The following LMCD1 variants were observed in gnomAD, a reference collection of about 807,000 sequenced individuals.
LMCD1 encodes LIM and cysteine rich domains 1.
In LMCD1, 32 loss-of-function variants were observed where a neutral mutation model predicts 42.7. That is an observed-to-expected ratio of 0.75 (90% CI 0.57 to 1.01). The LOEUF (loss-of-function observed/expected upper bound fraction) is 1.01, where lower values mean the gene tolerates loss of function less well. LMCD1 is among the 50% of genes least tolerant of loss of function. The pLI is 0.00. For synonymous variants in LMCD1, 178 were observed against 184.9 expected (o/e 0.96, Z 0.30); for missense variants, 458 against 483.1 (o/e 0.95, Z 0.49).
At chr3:8,542,002 C>CTTTTTTTTTTTTT (rs1187864989) in intron 3 of LMCD1, among the ~76,000 whole-genome samples, 2 of 76,734 alleles carry the variant, frequency 2.6e-5, no homozygotes, top group Non-Finnish European at 4.6e-5. Context: ...GAGGCTGGAG[C>CTTTTTTTTTTTTT]TTTTTTTTTT....
chr3:8,546,678 G>A (rs1414125767), intron 3 of LMCD1, among the ~76,000 whole-genome samples: 2 of 152,212 alleles, frequency 1.3e-5, no homozygotes, highest in Non-Finnish European at 1.5e-5. Context: ...GGACTAGGGA[G>A]AGACCAAAGC....
chr3:8,508,711 A>G (rs1361531444), intron 1 of LMCD1, among the ~76,000 whole-genome samples: 3 of 151,834 alleles, frequency 2.0e-5, no homozygotes, highest in Non-Finnish European at 4.4e-5. Context: ...GAAATTTACA[A>G]ACTTACATTT....
chr3:8,550,054 AG>A, intron 4 of LMCD1: 1 of 1,482,378 alleles, frequency 6.7e-7, no homozygotes. Context: ...ACCCATAGGA[AG>A]TGGCAGTGTG....
At chr3:8,557,916 T>C (rs549438877) in intron 4 of LMCD1, among the ~76,000 whole-genome samples, 4 of 152,268 alleles carry the variant, frequency 2.6e-5, no homozygotes, top group Admixed American at 2.6e-4. Context: ...GTGCTTGAGC[T>C]AGAGGCTGGG....
intron 1 of LMCD1, among the ~76,000 whole-genome samples, chr3:8,520,328 A>T (rs945602086): frequency 1.3e-5 from 2 of 152,188 alleles, no homozygotes; most frequent in African/African-American, 4.8e-5. Flanking sequence ...GAGGTATAAT[A>T]AGTAGGTATT....
intron 3 of LMCD1, among the ~76,000 whole-genome samples, chr3:8,544,763 A>T (rs1235031718): frequency 6.6e-6 from 1 of 152,178 alleles, no homozygotes; most frequent in Non-Finnish European, 1.5e-5. Flanking sequence ...GCGATAAGCT[A>T]TGGGCCAGAT....
intron 4 of LMCD1, among the ~76,000 whole-genome samples, chr3:8,557,353 T>C (rs1418567333): frequency 6.6e-6 from 1 of 152,232 alleles, no homozygotes; most frequent in Admixed American, 6.5e-5. Flanking sequence ...TGAGTATTTG[T>C]GTTGGAAAGA....
At chr3:8,503,666 A>G (rs569789067) in intron 1 of LMCD1, among the ~76,000 whole-genome samples, 7 of 152,322 alleles carry the variant, frequency 4.6e-5, no homozygotes, top group Middle Eastern at 3.4e-3. Flanking sequence ...ATATCTGTCC[A>G]GCTAAGACCA....
intron 3 of LMCD1, among the ~76,000 whole-genome samples, chr3:8,542,733 G>A (rs1371633955): frequency 1.3e-5 from 2 of 152,220 alleles, no homozygotes; most frequent in Non-Finnish European, 2.9e-5. Flanking sequence ...CATGCTGCTG[G>A]GTTCATAGCT....
intron 4 of LMCD1, chr3:8,550,102 AT>A: frequency 7.1e-7 from 1 of 1,414,140 alleles, no homozygotes; most frequent in Non-Finnish European, 9.2e-7. Flanking sequence ...ACTGGGGGCC[AT>A]TTTGAGAAAA....
chr3:8,558,379 A>C (rs992898334), intron 4 of LMCD1, among the ~76,000 whole-genome samples: 2 of 152,236 alleles, frequency 1.3e-5, no homozygotes, highest in Non-Finnish European at 2.9e-5. Context: ...CTTTCATTTC[A>C]ATTAAGAATC....
At position 8,572,758 on chromosome 3, in the gene LMCD1, A is replaced by G. The variant is rs1695238692; in HGVS notation, c.*5160A>G. Reference sequence around the variant, plus strand: ...AGAAAGCTCCTTCAAACTGGTTGCTATGTCCTTTTGACATGGCCCATCATT... The same window carrying G: ...AGAAAGCTCCTTCAAACTGGTTGCTGTGTCCTTTTGACATGGCCCATCATT... On this transcript the variant is annotated 3_prime_UTR_variant, in exon 6 of 6. Transcript: ENST00000157600. The G allele has an allele frequency of 6.6e-6, 1 of 152,230 alleles. No individual in the cohort carries two copies. The highest frequency in any genetic ancestry group is 2.4e-5 in the African/African-American group (1 of 41,472). 9.4% of individuals were successfully genotyped at this position (152,230 alleles called of 1,614,324 possible).
intron 4 of LMCD1, among the ~76,000 whole-genome samples, chr3:8,561,556 A>AC (rs1695037277): frequency 6.6e-6 from 1 of 152,170 alleles, no homozygotes; most frequent in Non-Finnish European, 1.5e-5. Flanking sequence ...TAGCTTACTG[A>AC]TGCCGGATCT....
chr3:8,523,428 G>A (rs1224837084), intron 1 of LMCD1, among the ~76,000 whole-genome samples: 1 of 152,168 alleles, frequency 6.6e-6, no homozygotes, highest in Non-Finnish European at 1.5e-5. Flanking sequence ...CAATGTAAAC[G>A]AGGTCTTTGT....
Position 8,568,504 on chromosome 3 carries a change from G to A in LMCD1, c.*906G>A, listed in dbSNP as rs1695165460. 1 of 152,210 alleles carries A rather than the reference G, an allele frequency of 6.6e-6. No homozygotes were observed. Among genetic ancestry groups the A allele is most frequent in the African/African-American group, 2.4e-5 (1 of 41,448 alleles). 9.4% of individuals were successfully genotyped at this position (152,210 alleles called of 1,614,324 possible). ...TAAGCTCCACCAATGGGTGCCACAT[G>A]GGATGTGGTGACTAATGTGGGCAGA... On this transcript the variant is annotated 3_prime_UTR_variant, in exon 6 of 6. Coordinates refer to ENST00000157600, the MANE Select transcript of LMCD1 (RefSeq NM_014583.4).
Position 8,557,251 on chromosome 3 carries a change from A to G in LMCD1, c.724-8181A>G, listed in dbSNP as rs565760775. Reference sequence around the variant, plus strand: ...CTACAGAAGAAAGAAACACACACATAAAAACCTCTGGGATACATGAGGCTG... The same window carrying G: ...CTACAGAAGAAAGAAACACACACATGAAAACCTCTGGGATACATGAGGCTG... On this transcript the variant is annotated intron_variant, in intron 4 of 5. Coordinates refer to ENST00000157600, the MANE Select transcript of LMCD1 (RefSeq NM_014583.4). Among the ~76,000 whole-genome samples, 3 of 152,354 alleles carry G rather than the reference A, an allele frequency of 2.0e-5. No individual in the cohort carries two copies. The South Asian group carries it at 6.2e-4, about 32-fold the overall frequency.
rs1050000306 is a variant in LMCD1 at position 8,565,523 on chromosome 3, G to A, written c.815G>A (p.Cys272Tyr). ...AGYNKQWHPT[C>Y]FVCAKCSEPL... ...TACAACAAGCAGTGGCACCCCACCT[G>A]CTTTGTGTGTGCCAAGTGCTCCGAG... The change falls in exon 5 of 6, where the codon TGC (cysteine) becomes TAC (tyrosine). Residue 272 changes from cysteine (C) to tyrosine (Y), a missense_variant. Cys to Tyr is a radical substitution (Grantham distance 194). Coordinates refer to ENST00000157600, the MANE Select transcript of LMCD1 (RefSeq NM_014583.4). 7 of 1,614,214 alleles carry A rather than the reference G, an allele frequency of 4.3e-6. No individual in the cohort carries two copies. Among genetic ancestry groups the A allele is most frequent in the Non-Finnish European group, 4.2e-6 (5 of 1,180,040 alleles).
chr3:8,567,703 T>G lies in LMCD1; in HGVS notation c.*105T>G. 1.8e-6 allele frequency: 2 copies of G among 1,099,704 alleles called. No individual in the cohort carries two copies. The highest frequency in any genetic ancestry group is 2.6e-6 in the Non-Finnish European group (2 of 764,038). 68.1% of individuals were successfully genotyped at this position (1,099,704 alleles called of 1,614,324 possible). A position where few individuals can be genotyped will look rare whatever the true frequency, so the allele number is the denominator to read the frequency against. On this transcript the variant is annotated 3_prime_UTR_variant, in exon 6 of 6. Coordinates refer to ENST00000157600, the MANE Select transcript of LMCD1 (RefSeq NM_014583.4). ...CCGATGTGACAGCAAGCAAGTGAAA[T>G]AAACAATGATTTGCTTTTCAGTGAG...
rs942209432 is a variant in LMCD1, at chr3:8,571,138, G to T, written c.*3540G>T. 1.3e-5 allele frequency: 2 copies of T among 152,108 alleles called. No individual in the cohort carries two copies. Among genetic ancestry groups the T allele is most frequent in the African/African-American group, 4.8e-5 (2 of 41,402 alleles). The allele number at this position is 152,108 out of a possible 1,614,324, so 9.4% of individuals were successfully genotyped here. ...ACTTTCCTCCCTCACCCTTCCCTTG[G>T]GGTGTTTTAGGTGCCCTTTATCTGT... On this transcript the variant is annotated 3_prime_UTR_variant, in exon 6 of 6. Transcript: ENST00000157600.
Sources: allele counts gnomAD v4.1 joint callset (sites outside exome capture counted in the v4.1 genomes callset), GRCh38; gene constraint gnomAD v4.1.1; transcripts MANE v1.5; gene names NCBI Gene and HGNC (gene_info 2026-07-23, HGNC 2026-07-21).